The following STS variants were observed in gnomAD, a reference collection of about 807,000 sequenced individuals.
The protein encoded by STS is steroid sulfatase, also known as steryl-sulfatase.
STS carries 7 observed loss-of-function variants against 26.8 expected under a neutral mutation model. That is an observed-to-expected ratio of 0.26 (90% CI 0.15 to 0.49). The LOEUF (loss-of-function observed/expected upper bound fraction) is 0.49, where lower values mean the gene tolerates loss of function less well. Ranked by LOEUF, STS falls within the 20% of genes least tolerant of loss-of-function variation. The probability of loss-of-function intolerance (pLI) is 0.98; values close to 1 mark genes in which losing one functional copy is unlikely to be tolerated. For synonymous variants in STS, 199 were observed against 189.4 expected, an observed-to-expected ratio of 1.05 and a Z score of -0.42; for missense variants, 434 against 465.6, an observed-to-expected ratio of 0.93 and a Z score of 0.63.
chrX:7,324,840 C>G (rs1375168191), intron 8 of STS, among the ~76,000 whole-genome samples: 1 of 111,855 alleles, frequency 8.9e-6, no homozygotes, highest in African/African-American at 3.3e-5. Context: ...ATTAGATCCA[C>G]TCAGACAATG....
At chrX:7,220,066 G>A (rs1438500537) in intron 2 of STS, among the ~76,000 whole-genome samples, 3 of 111,786 alleles carry the variant, frequency 2.7e-5, no homozygotes, top group African/African-American at 9.8e-5. Context: ...GTGAGGAAGA[G>A]CATCATGCAT....
intron 7 of STS, among the ~76,000 whole-genome samples, chrX:7,279,293 AT>A (rs199714548): frequency 0.036 from 1,552 of 42,757 alleles, 58 homozygotes; most frequent in East Asian, 0.14. Flanking sequence ...AAAAAAAAAA[AT>A]ATATATATAT....
chrX:7,210,076 A>G (rs1920989405), intron 2 of STS, among the ~76,000 whole-genome samples: 1 of 111,774 alleles, frequency 8.9e-6, no homozygotes, highest in African/African-American at 3.3e-5. Context: ...ATAGTGTTGC[A>G]GTAAACATAC....
At chrX:7,220,354 C>T (rs1921495158) in intron 2 of STS, among the ~76,000 whole-genome samples, 1 of 110,709 alleles carries the variant, frequency 9.0e-6, no homozygotes, top group Admixed American at 9.7e-5. Flanking sequence ...CTGATCATTT[C>T]GTGGTCTGGC....
chrX:7,274,664 A>G (rs1242489487), intron 6 of STS, among the ~76,000 whole-genome samples: 1 of 112,194 alleles, frequency 8.9e-6, no homozygotes, highest in Non-Finnish European at 1.9e-5. Context: ...ATTGACAGTG[A>G]CTTATAACTC....
chrX:7,158,582 C>T (rs1273075982), intron 1 of STS, among the ~76,000 whole-genome samples: 1 of 111,598 alleles, frequency 9.0e-6, no homozygotes, highest in African/African-American at 3.3e-5. Context: ...TCCTGCTACT[C>T]TCCAGGTGGA....
rs1316167213 is a variant in STS, at chrX:7,198,110, A to G, written c.-5+7102A>G. 3.6e-5 allele frequency among the ~76,000 whole-genome samples: 4 copies of G among 111,873 alleles called. No homozygotes were observed. The South Asian group carries it at 1.1e-3, about 32-fold the overall frequency. On this transcript the variant is annotated intron_variant, in intron 2 of 10. Transcript: ENST00000674429. ...GCCCAGGTAGAGCTTGTTTATCAAG[A>G]CAGAAATAGAGAAAGAATTGAATGC...
At position 7,216,513 on chromosome X, in the gene STS, T is replaced by G. The variant is rs776973140; in HGVS notation, c.-5+25505T>G. The stretch of plus-strand genomic sequence containing the variant: ...AAAGGCTAGGGGCAAAAATGGTTTT[T>G]CTTTTATGGAGAAGAGTAAACAAGG... On this transcript the variant is annotated intron_variant, in intron 2 of 10. Transcript: ENST00000674429. Among the ~76,000 whole-genome samples the G allele has an allele frequency of 4.5e-5, 5 of 112,225 alleles. No homozygotes were observed. The East Asian group carries it at 1.4e-3, about 32-fold the overall frequency.
At chrX:7,287,678 TTTTA>T (rs200085059) in intron 7 of STS, among the ~76,000 whole-genome samples, 3 of 105,503 alleles carry the variant, frequency 2.8e-5, no homozygotes, top group East Asian at 2.9e-4. Flanking sequence ...TTATTTTTTA[TTTTA>T]TTTATTTATT....
intron 1 of STS, among the ~76,000 whole-genome samples, chrX:7,179,965 G>A (rs1309181022): frequency 3.6e-5 from 4 of 111,794 alleles, no homozygotes; most frequent in African/African-American, 9.8e-5. Flanking sequence ...TGCTGGATAT[G>A]TTAATTGACT....
chrX:7,204,373 A>T (rs771469802), intron 2 of STS, among the ~76,000 whole-genome samples: 8 of 111,366 alleles, frequency 7.2e-5, no homozygotes, highest in Non-Finnish European at 1.5e-4. Flanking sequence ...AACATTTTCC[A>T]TATTTGTATT....
At chrX:7,235,791 C>T (rs1922287202) in intron 2 of STS, among the ~76,000 whole-genome samples, 1 of 111,584 alleles carries the variant, frequency 9.0e-6, no homozygotes, top group Admixed American at 9.5e-5. Flanking sequence ...TTCTGAAAAA[C>T]ATAGGGAAAT....
chrX:7,249,697 C>G (rs764095810), intron 2 of STS, among the ~76,000 whole-genome samples: 317 of 111,734 alleles, frequency 2.8e-3, no homozygotes, highest in Non-Finnish European at 5.2e-3. Context: ...GTCCTGGGTG[C>G]TAGTCTAGAT....
intron 1 of STS, among the ~76,000 whole-genome samples, chrX:7,156,009 G>A (rs1177274692): frequency 3.6e-5 from 4 of 109,972 alleles, no homozygotes; most frequent in African/African-American, 1.3e-4. Flanking sequence ...AAATTAGCTG[G>A]GTGTGATGGC....
rs1926825605 is a variant in STS at position 7,318,616 on chromosome X, A to G, written c.1082-6723A>G. 5.4e-5 allele frequency among the ~76,000 whole-genome samples: 6 copies of G among 111,729 alleles called. No homozygotes were observed. The Admixed American group carries it at 5.7e-4, about 11-fold the overall frequency. ...TTTAGGACCTGAATATAGACTCAGA[A>G]CTATTAATACAAGATGGGAATCTCG... On this transcript the variant is annotated intron_variant, in intron 8 of 10. Coordinates refer to ENST00000674429, the MANE Select transcript of STS (RefSeq NM_001320752.2).
At chrX:7,271,785 TAA>T (rs1184216026) in intron 6 of STS, among the ~76,000 whole-genome samples, 2 of 94,541 alleles carry the variant, frequency 2.1e-5, no homozygotes, top group African/African-American at 3.9e-5. Context: ...CATATTCTTG[TAA>T]AAAAAAAAAA....
chrX:7,342,132 C>A (rs1014376022), intron 10 of STS, among the ~76,000 whole-genome samples: 1 of 111,626 alleles, frequency 9.0e-6, no homozygotes, highest in African/African-American at 3.3e-5. Flanking sequence ...TTTATTGGGC[C>A]TCTATTCTAT....
At chrX:7,277,005 C>G (rs1265473442) in intron 7 of STS, among the ~76,000 whole-genome samples, 1 of 111,562 alleles carries the variant, frequency 9.0e-6, no homozygotes. Context: ...CTTAGCTGTA[C>G]ACAGCTAAGG....
At chrX:7,233,159 T>C (rs1922155758) in intron 2 of STS, among the ~76,000 whole-genome samples, 1 of 100,147 alleles carries the variant, frequency 1.0e-5, no homozygotes, top group South Asian at 5.0e-4. Flanking sequence ...AATGGCGCGA[T>C]CTTGGCTCAC....
Sources: allele counts gnomAD v4.1 joint callset (sites outside exome capture counted in the v4.1 genomes callset), GRCh38; gene constraint gnomAD v4.1.1; transcripts MANE v1.5; gene names NCBI Gene and HGNC (gene_info 2026-07-23, HGNC 2026-07-21).